AFF3: variants seen among roughly 807,000 people sequenced by gnomAD.
AFF3 encodes ALF transcription elongation factor 3.
AFF3 carries 32 observed loss-of-function variants against 129.7 expected under a neutral mutation model. The ratio of observed to expected loss-of-function variants is 0.25; its 90% CI spans 0.19 to 0.33. The LOEUF (loss-of-function observed/expected upper bound fraction) is 0.33. AFF3 is among the 10% of genes least tolerant of loss of function. The pLI is 1.00. For missense variants in AFF3, 1,373 were observed against 1,592.0 expected, an observed-to-expected ratio of 0.86 and a Z score of 2.34; for synonymous variants, 644 against 635.4, an observed-to-expected ratio of 1.01 and a Z score of -0.20.
intron 11 of AFF3, among the ~76,000 whole-genome samples, chr2:99,681,231 C>CT (rs535902546): frequency 5.4e-4 from 82 of 152,234 alleles, no homozygotes; most frequent in African/African-American, 1.9e-3. Flanking sequence ...GTCCCATACT[C>CT]TAAGTTTTAG....
intron 11 of AFF3, among the ~76,000 whole-genome samples, chr2:99,708,983 G>T (rs1677659026): frequency 3.3e-5 from 5 of 152,102 alleles, no homozygotes; most frequent in Admixed American, 3.3e-4. Context: ...TCAATTCAAA[G>T]AATAATACAA....
At chr2:99,868,470 G>A (rs1347640398) in intron 7 of AFF3, among the ~76,000 whole-genome samples, 2 of 152,152 alleles carry the variant, frequency 1.3e-5, no homozygotes, top group East Asian at 1.9e-4. Flanking sequence ...GAGGGAAGAT[G>A]TGTCCCAAAG....
chr2:99,624,909 C>T (rs1355499647), intron 13 of AFF3, among the ~76,000 whole-genome samples: 4 of 152,218 alleles, frequency 2.6e-5, no homozygotes, highest in African/African-American at 9.6e-5. Flanking sequence ...GACCTGCATA[C>T]GGCTCCACCC....
Position 99,741,677 on chromosome 2 carries a change from T to C in AFF3, c.1039+2427A>G, listed in dbSNP as rs921170624. ...ATTTACAGATTCAATGCCATCCCCA[T>C]CAAGCTACCAATGACTTTCTTCACA... On this transcript the variant is annotated intron_variant, in intron 10 of 24. Coordinates refer to ENST00000672756, the MANE Select transcript of AFF3 (RefSeq NM_001386135.1). Among the ~76,000 whole-genome samples the C allele has an allele frequency of 9.9e-5, 15 of 152,130 alleles. 2 individuals carry two copies. Among genetic ancestry groups the C allele is most frequent in the Admixed American group, 9.8e-4 (15 of 15,284 alleles).
chr2:99,921,101 CAA>C (rs903016266), intron 7 of AFF3, among the ~76,000 whole-genome samples: 9 of 152,174 alleles, frequency 5.9e-5, no homozygotes, highest in African/African-American at 1.4e-4. Flanking sequence ...AAAATCTCAG[CAA>C]AGTTTTCTCA....
intron 7 of AFF3, among the ~76,000 whole-genome samples, chr2:99,932,497 C>A (rs72819144): frequency 0.015 from 2,354 of 152,278 alleles, 139 homozygotes; most frequent in Admixed American, 0.11. Context: ...TCCACAGGGG[C>A]CATCAGTGCA....
Position 99,689,112 on chromosome 2 carries a change from C to T in AFF3, c.1092-16523G>A, listed in dbSNP as rs571840884. On this transcript the variant is annotated intron_variant, in intron 11 of 24. Transcript: ENST00000672756. Reference sequence around the variant, plus strand: ...CTTGGAATTCCTCCCTTTCTCCATCCCTTGTGACGCTGCTTCGGTTTACAT... The same window carrying T: ...CTTGGAATTCCTCCCTTTCTCCATCTCTTGTGACGCTGCTTCGGTTTACAT... Among the ~76,000 whole-genome samples the T allele has an allele frequency of 4.6e-5, 7 of 152,298 alleles. No homozygotes were observed. In the East Asian group the frequency reaches 1.2e-3, roughly 25 times the overall value.
chr2:99,755,292 G>A (rs528145579), intron 8 of AFF3, among the ~76,000 whole-genome samples: 1 of 150,310 alleles, frequency 6.7e-6, no homozygotes, highest in South Asian at 2.1e-4. Context: ...TTTTGAGCTG[G>A]AGTTTTGCTC....
intron 4 of AFF3, among the ~76,000 whole-genome samples, chr2:100,066,035 G>A (rs1687693673): frequency 6.6e-6 from 1 of 152,126 alleles, no homozygotes; most frequent in South Asian, 2.1e-4. Flanking sequence ...TTATATAGTG[G>A]TGAAATTCCC....
At chr2:99,921,047 C>G (rs1695823478) in intron 7 of AFF3, among the ~76,000 whole-genome samples, 1 of 152,052 alleles carries the variant, frequency 6.6e-6, no homozygotes, top group African/African-American at 2.4e-5. Flanking sequence ...GCTCAGATGT[C>G]AATTCTTCCC....
chr2:99,806,481 C>T (rs544769908), intron 8 of AFF3, among the ~76,000 whole-genome samples: 90 of 152,280 alleles, frequency 5.9e-4, no homozygotes, highest in Middle Eastern at 6.8e-3. Flanking sequence ...ATGAGGACCC[C>T]TGAACAAATT....
chr2:100,098,662 A>G (rs1214325591), intron 4 of AFF3, among the ~76,000 whole-genome samples: 1 of 128,484 alleles, frequency 7.8e-6, no homozygotes, highest in East Asian at 2.1e-4. Context: ...CACACACAAT[A>G]CTCATCTTCA....
intron 7 of AFF3, among the ~76,000 whole-genome samples, chr2:99,930,614 G>A (rs1288981040): frequency 6.6e-6 from 1 of 151,998 alleles, no homozygotes; most frequent in Non-Finnish European, 1.5e-5. Context: ...TGCACTGGGG[G>A]ACAAACCAGG....
At chr2:99,582,539 C>CT (rs1200246517) in intron 17 of AFF3, among the ~76,000 whole-genome samples, 2 of 152,184 alleles carry the variant, frequency 1.3e-5, no homozygotes, top group African/African-American at 4.8e-5. Flanking sequence ...ACTTTGAGGT[C>CT]TTTTCTTTTC....
At chr2:99,854,637 T>C (rs1690392789) in intron 7 of AFF3, among the ~76,000 whole-genome samples, 1 of 152,130 alleles carries the variant, frequency 6.6e-6, no homozygotes. Flanking sequence ...TTCTCTAACG[T>C]GGGGTGCTTG....
intron 13 of AFF3, among the ~76,000 whole-genome samples, chr2:99,608,002 T>A (rs527843358): frequency 1.3e-5 from 2 of 152,346 alleles, no homozygotes; most frequent in African/African-American, 4.8e-5. Context: ...GTTGCTTCTA[T>A]CCTGAAATGT....
intron 7 of AFF3, among the ~76,000 whole-genome samples, chr2:99,920,286 C>A (rs1353023088): frequency 1.3e-5 from 2 of 151,766 alleles, no homozygotes; most frequent in African/African-American, 4.8e-5. Flanking sequence ...CTCATGAGCA[C>A]AGATGCAAAA....
At chr2:99,918,446 GA>G (rs2106234776) in intron 7 of AFF3, among the ~76,000 whole-genome samples, 1 of 152,276 alleles carries the variant, frequency 6.6e-6, no homozygotes, top group East Asian at 1.9e-4. Context: ...CAGCACTCCA[GA>G]AGGCAGAGTA....
chr2:99,554,046 C>A (rs1447228517), intron 24 of AFF3, among the ~76,000 whole-genome samples: 2 of 150,960 alleles, frequency 1.3e-5, no homozygotes, highest in African/African-American at 2.4e-5. Context: ...TTGGAAGGAA[C>A]TTAAATGTCT....
Sources: gnomAD v4.1 joint callset for allele counts (sites outside exome capture counted in the v4.1 genomes callset) on GRCh38, gnomAD v4.1.1 for gene constraint, MANE v1.5 for transcripts, NCBI Gene and HGNC (gene_info 2026-07-23, HGNC 2026-07-21) for gene names.